The following SEPTIN7 variants were observed in gnomAD, a reference collection of about 807,000 sequenced individuals.
SEPTIN7 encodes septin 7.
A neutral mutation model predicts 63.3 loss-of-function variants in SEPTIN7; 10 were observed. That is an observed-to-expected ratio of 0.16 (90% CI 0.10 to 0.27). The LOEUF is 0.27. SEPTIN7 is among the 10% of genes least tolerant of loss of function. The pLI is 1.00. For missense variants in SEPTIN7, 310 were observed against 521.0 expected, an observed-to-expected ratio of 0.59 and a Z score of 3.94; for synonymous variants, 131 against 165.3, an observed-to-expected ratio of 0.79 and a Z score of 1.59.
intron 11 of SEPTIN7, among the ~76,000 whole-genome samples, chr7:35,895,376 T>A (rs996887082): frequency 6.6e-6 from 1 of 152,210 alleles, no homozygotes; most frequent in African/African-American, 2.4e-5. Flanking sequence ...AATAATTCAT[T>A]TTAAATATGC....
intron 11 of SEPTIN7, among the ~76,000 whole-genome samples, chr7:35,894,761 G>A (rs965122522): frequency 1.3e-5 from 2 of 152,158 alleles, no homozygotes; most frequent in Admixed American, 1.3e-4. Context: ...AAATCTACTT[G>A]CTTAATTTGT....
At chr7:35,904,140 A>T in intron 13 of SEPTIN7, 114 bp from the exon 14 acceptor site, 1 of 624,834 alleles carries the variant, frequency 1.6e-6, no homozygotes, top group Non-Finnish European at 2.5e-6. Flanking sequence ...TCAGTGAAAA[A>T]GTAGTATCTG....
At chr7:35,870,723 G>A (rs572142287) in intron 4 of SEPTIN7, among the ~76,000 whole-genome samples, 2 of 151,566 alleles carry the variant, frequency 1.3e-5, no homozygotes, top group Non-Finnish European at 2.9e-5. Flanking sequence ...CAGCACTTTG[G>A]GAGGCTGAAA....
intron 1 of SEPTIN7, among the ~76,000 whole-genome samples, chr7:35,820,581 C>T (rs1217702759): frequency 2.6e-5 from 4 of 151,972 alleles, no homozygotes; most frequent in Non-Finnish European, 5.9e-5. Flanking sequence ...AAAAAATTAT[C>T]TTTTTTGATA....
Position 35,886,248 on chromosome 7 carries a change from T to C in SEPTIN7, c.872+369T>C, listed in dbSNP as rs551561925. 2.0e-4 allele frequency among the ~76,000 whole-genome samples: 31 copies of C among 152,290 alleles called. No individual in the cohort carries two copies. The South Asian group carries it at 5.0e-3, about 24-fold the overall frequency. On this transcript the variant is annotated intron_variant, in intron 10 of 13. Transcript: ENST00000350320. ...TTTGAGTCCAAAGCTAGAATTTGAA[T>C]GTTAAAAGGTGCACAGCCTGGTAGC...
intron 1 of SEPTIN7, among the ~76,000 whole-genome samples, chr7:35,809,015 CATT>C (rs745605972): frequency 5.9e-5 from 9 of 152,124 alleles, no homozygotes; most frequent in Non-Finnish European, 1.2e-4. Flanking sequence ...TTGACATTGT[CATT>C]ATATCAATAA....
In SEPTIN7 at chr7:35,890,750, T is replaced by C. The variant is rs1433328982; in HGVS notation, c.955T>C (p.Tyr319His). Residue 319 changes from tyrosine to histidine, a missense_variant, in exon 11 of 14, where the codon TAT becomes CAT. By Grantham distance (83) the Tyr-to-His change is moderately conservative. This residue lies in a region of SEPTIN7 where 255 missense variants were observed against 490.5 expected (regional missense o/e 0.52). Transcript: ENST00000350320. ...AAGCAGAAAACTTGCAGCTGTGACT[T>C]ATAATGGAGTTGATAACAACAAGAA... ...YRSRKLAAVTYNGVDNNKNKG... is the reference protein window; with the variant it reads ...YRSRKLAAVTHNGVDNNKNKG... 1 of 1,596,034 alleles carries C rather than the reference T, an allele frequency of 6.3e-7. No individual in the cohort carries two copies. Among genetic ancestry groups the C allele is most frequent in the Non-Finnish European group, 8.5e-7 (1 of 1,173,790 alleles).
chr7:35,881,082 G>A (rs1562572788), intron 7 of SEPTIN7, among the ~76,000 whole-genome samples: 2 of 151,712 alleles, frequency 1.3e-5, no homozygotes, highest in Admixed American at 6.6e-5. Flanking sequence ...TTTTCAATAT[G>A]AATTTCAGAA....
intron 12 of SEPTIN7, chr7:35,899,932 T>G (rs891245292): frequency 2.1e-4 from 32 of 152,274 alleles, no homozygotes; most frequent in African/African-American, 7.2e-4. Flanking sequence ...TAAAATAGTT[T>G]TAAAACAATC....
chr7:35,880,179 A>ATTTTCTTTTTTCTTTTTTCTTTTCTC (rs70974778), intron 7 of SEPTIN7, among the ~76,000 whole-genome samples: 35 of 102,072 alleles, frequency 3.4e-4, no homozygotes, highest in African/African-American at 1.2e-3. Context: ...CTTTAGAATT[A>ATTTTCTTTTTTCTTTTTTCTTTTCTC]TTTTCTTTTT....
chr7:35,872,627 A>G (rs753679980), intron 4 of SEPTIN7, 39 bp from the exon 5 acceptor site: 2 of 1,437,188 alleles, frequency 1.4e-6, no homozygotes, highest in Admixed American at 1.7e-5. Flanking sequence ...TCACTGATGT[A>G]ATGTATGATA....
intron 11 of SEPTIN7, among the ~76,000 whole-genome samples, chr7:35,893,460 G>C (rs546278964): frequency 6.6e-6 from 1 of 152,246 alleles, no homozygotes; most frequent in East Asian, 1.9e-4. Context: ...TGATGTTTCA[G>C]TCAATGACCG....
At chr7:35,872,168 G>GAT (rs1371727810) in intron 4 of SEPTIN7, among the ~76,000 whole-genome samples, 1 of 152,146 alleles carries the variant, frequency 6.6e-6, no homozygotes, top group Non-Finnish European at 1.5e-5. Context: ...ATTAAGGAAT[G>GAT]ATAGTAAGTT....
intron 9 of SEPTIN7, 31 bp from the exon 10 acceptor site, chr7:35,885,797 A>G (rs377703304): frequency 1.8e-5 from 28 of 1,555,422 alleles, no homozygotes; most frequent in Non-Finnish European, 2.5e-5. Context: ...TAGTGGAAAT[A>G]TAACATATGC....
At chr7:35,835,429 G>C (rs1443512655) in intron 3 of SEPTIN7, among the ~76,000 whole-genome samples, 1 of 152,120 alleles carries the variant, frequency 6.6e-6, no homozygotes, top group Non-Finnish European at 1.5e-5. Context: ...CTATGAAGTA[G>C]GTATTGTTAT....
intron 11 of SEPTIN7, 140 bp downstream of exon 11, chr7:35,890,933 T>C: frequency 1.6e-6 from 1 of 640,864 alleles, no homozygotes; most frequent in African/African-American, 1.9e-5. Flanking sequence ...TAAATTTATA[T>C]TGTTATGCTT....
At chr7:35,877,365 A>G (rs548753892) in intron 6 of SEPTIN7, among the ~76,000 whole-genome samples, 21 of 152,140 alleles carry the variant, frequency 1.4e-4, no homozygotes, top group Non-Finnish European at 2.6e-4. Context: ...CAGCCTTACT[A>G]CTACAGTAAA....
intron 2 of SEPTIN7, chr7:35,831,862 C>T: frequency 3.5e-6 from 1 of 282,266 alleles, no homozygotes; most frequent in Non-Finnish European, 6.9e-6. Flanking sequence ...TGTTTTGATC[C>T]CATGATTGCT....
intron 4 of SEPTIN7, among the ~76,000 whole-genome samples, chr7:35,870,309 T>C (rs1786068893): frequency 6.6e-6 from 1 of 152,172 alleles, no homozygotes; most frequent in Admixed American, 6.5e-5. Context: ...CAGGGAAATA[T>C]CTTAAAATTT....
Sources: gnomAD v4.1 joint callset for allele counts (sites outside exome capture counted in the v4.1 genomes callset) on GRCh38, gnomAD v4.1.1 for gene constraint, gnomAD v4.1.1 regional missense constraint, MANE v1.5 for transcripts, NCBI Gene and HGNC (gene_info 2026-07-23, HGNC 2026-07-21) for gene names.